The following TCTN1 variants were observed in gnomAD, a reference collection of about 807,000 sequenced individuals.
TCTN1 encodes the protein tectonic-1.
Under a neutral mutation model 65.8 loss-of-function variants are expected in TCTN1, and 58 were observed. The observed-to-expected ratio is 0.88, with a 90% CI of 0.71 to 1.10. The LOEUF (loss-of-function observed/expected upper bound fraction) is 1.10, where lower values mean the gene tolerates loss of function less well. Ranked by LOEUF, TCTN1 falls within the 50% of genes least tolerant of loss-of-function variation. The pLI, the probability that TCTN1 is intolerant of heterozygous loss-of-function variation, is 0.00. For synonymous variants in TCTN1, 273 were observed against 289.1 expected, an observed-to-expected ratio of 0.94 and a Z score of 0.57; for missense variants, 645 against 719.4, an observed-to-expected ratio of 0.90 and a Z score of 1.18.
intron 3 of TCTN1, among the ~76,000 whole-genome samples, chr12:110,628,556 G>C (rs1206083774): frequency 6.6e-6 from 1 of 151,966 alleles, no homozygotes; most frequent in Non-Finnish European, 1.5e-5. Flanking sequence ...GGCCAGGCTG[G>C]TCTCAAACTC....
chr12:110,622,165 G>A (rs1019527454), intron 2 of TCTN1, among the ~76,000 whole-genome samples: 4 of 151,856 alleles, frequency 2.6e-5, no homozygotes, highest in Non-Finnish European at 5.9e-5. Context: ...ATAATGAGTT[G>A]AATGGATGAA....
chr12:110,643,357 A>G (rs1167658185), intron 11 of TCTN1: 1 of 152,214 alleles, frequency 6.6e-6, no homozygotes, highest in African/African-American at 2.4e-5. Flanking sequence ...CTTATCAAAT[A>G]TGTACATAAT....
chr12:110,648,223 G>C (rs1390853894), intron 14 of TCTN1, among the ~76,000 whole-genome samples: 1 of 152,048 alleles, frequency 6.6e-6, no homozygotes, highest in South Asian at 2.1e-4. Flanking sequence ...CTCCTGCCTC[G>C]GCCTCTGAAA....
In TCTN1 at chr12:110,614,229, G is replaced by T. The variant is rs765622324; in HGVS notation, c.47G>T (p.Cys16Phe). 3.8e-6 allele frequency: 6 copies of T among 1,588,776 alleles called. No individual in the cohort carries two copies. Among genetic ancestry groups the T allele is most frequent in the Non-Finnish European group, 8.6e-7 (1 of 1,168,452 alleles). The change falls in exon 1 of 15, where the codon TGC becomes TTC. Residue 16 changes from cysteine to phenylalanine, a missense_variant. Coordinates refer to ENST00000397659, the MANE Select transcript of TCTN1 (RefSeq NM_001082538.3). ...LPPLLVVLLG[C>F]WASVSAQTDA... is the part of the protein sequence containing the mutation. ...CCGCTCCTGGTGGTGCTCCTGGGCT[G>T]CTGGGCCTCCGTGAGCGCCCAGACC... is the stretch of plus-strand genomic sequence containing the variant.
At chr12:110,641,208 T>C (rs1297199229) in intron 9 of TCTN1, 59 bp downstream of exon 9, 3 of 1,609,250 alleles carry the variant, frequency 1.9e-6, no homozygotes, top group Non-Finnish European at 2.5e-6. Context: ...AAATAATGAC[T>C]TCTCAGTGGA....
intron 3 of TCTN1, among the ~76,000 whole-genome samples, chr12:110,627,159 A>G (rs1376046732): frequency 1.4e-5 from 2 of 141,914 alleles, no homozygotes; most frequent in African/African-American, 5.3e-5. Flanking sequence ...AAGCAGTGGC[A>G]CGTTCTCAGC....
intron 2 of TCTN1, among the ~76,000 whole-genome samples, chr12:110,620,757 G>A (rs1302606796): frequency 6.6e-6 from 1 of 151,178 alleles, no homozygotes; most frequent in African/African-American, 2.4e-5. Flanking sequence ...TGATTATAAG[G>A]TAAATAAATA....
Position 110,640,499 on chromosome 12 carries a change from CGTG to C in TCTN1, c.961_963del (p.Val321del). On this transcript the variant is annotated inframe_deletion, in exon 8 of 15. Coordinates refer to ENST00000397659, the MANE Select transcript of TCTN1 (RefSeq NM_001082538.3). This position sits in a 1 kb window ranked among gnomAD's most constrained non-coding sequence, Gnocchi z 4.9. ...TCAACGCTGGACACTTTAGCCTTTG[CGTG>C]AATGTTGTTCTTGAGGTAGGTGCCG... 6.2e-7 allele frequency: 1 copy of C among 1,614,204 alleles called. No individual in the cohort carries two copies. The highest frequency in any genetic ancestry group is 8.5e-7 in the Non-Finnish European group (1 of 1,180,040).
Position 110,641,632 on chromosome 12 carries a change from C to G in TCTN1, c.1190+5C>G. 2 of 1,613,648 alleles carry G rather than the reference C, an allele frequency of 1.2e-6. No homozygotes were observed. Among genetic ancestry groups the G allele is most frequent in the Non-Finnish European group, 1.7e-6 (2 of 1,179,566 alleles). On this transcript the variant is annotated splice_donor_5th_base_variant and intron_variant, in intron 10 of 14. Coordinates refer to ENST00000397659, the MANE Select transcript of TCTN1 (RefSeq NM_001082538.3). ...TGGATTCCAGCCTCATAAGGGATATCCTTTTTGGTTCTGTAGAGGGTGGAT... is the reference window on the plus strand; with the variant it reads ...TGGATTCCAGCCTCATAAGGGATATGCTTTTTGGTTCTGTAGAGGGTGGAT...
rs2067647502 is a variant in TCTN1 at position 110,649,024 on chromosome 12, TTC to T, written c.*2-17_*2-16del. ...AGAATGGGGTGGCAGCTAAAGTAGC[TTC>T]TTTTTCTTTCTTTCAGAATGCTCAG... On this transcript the variant is annotated splice_polypyrimidine_tract_variant and intron_variant, in intron 14 of 14. Transcript: ENST00000397659. 2.1e-6 allele frequency: 1 copy of T among 482,926 alleles called. No homozygotes were observed. The highest frequency in any genetic ancestry group is 4.0e-6 in the Non-Finnish European group (1 of 248,434). 29.9% of individuals were successfully genotyped at this position (482,926 alleles called of 1,614,324 possible). A position where few individuals can be genotyped will look rare whatever the true frequency, so the allele number is the denominator to read the frequency against.
intron 11 of TCTN1, 43 bp downstream of exon 11, chr12:110,642,432 AAAAC>A: frequency 6.2e-7 from 1 of 1,614,128 alleles, no homozygotes; most frequent in Non-Finnish European, 8.5e-7. Flanking sequence ...TGCTGATCAG[AAAAC>A]AAAGCATTCT....
In TCTN1 at chr12:110,632,536, T is replaced by C. The variant is rs1225241777; in HGVS notation, c.689T>C (p.Leu230Pro). Residue 230 changes from leucine to proline, a missense_variant, in exon 5 of 15, where the codon CTG becomes CCG. Physicochemically the swap from Leu to Pro is moderately conservative, Grantham distance 98. Transcript: ENST00000397659. ...TTTCCTTCGTCCCTGACATCATCTC[T>C]GTGCACTGATAATAACCCTGCAGGT... Reference protein sequence around the residue: ...LRFPSSLTSSLCTDNNPAAFL... With the variant: ...LRFPSSLTSSPCTDNNPAAFL... The C allele has an allele frequency of 3.1e-6, 5 of 1,613,992 alleles. No individual in the cohort carries two copies. Among genetic ancestry groups the C allele is most frequent in the Non-Finnish European group, 3.4e-6 (4 of 1,179,960 alleles).
At chr12:110,626,238 A>G (rs2065834115) in intron 2 of TCTN1, 124 bp from the exon 3 acceptor site, 4 of 1,165,156 alleles carry the variant, frequency 3.4e-6, no homozygotes, top group Admixed American at 2.2e-5. Context: ...TCATGCTTTC[A>G]TAAATATCCT....
intron 2 of TCTN1, 61 bp downstream of exon 2, chr12:110,620,017 A>C: frequency 6.2e-7 from 1 of 1,612,778 alleles, no homozygotes; most frequent in Non-Finnish European, 8.5e-7. Flanking sequence ...TACAATTTGG[A>C]GAAAGGGAAA....
rs555706296 is a variant in TCTN1 at position 110,640,163 on chromosome 12, A to G, written c.844-220A>G. Among the ~76,000 whole-genome samples, 8 of 152,316 alleles carry G rather than the reference A, an allele frequency of 5.3e-5. No homozygotes were observed. The East Asian group carries it at 1.5e-3, about 29-fold the overall frequency. On this transcript the variant is annotated intron_variant, in intron 7 of 14. Coordinates refer to ENST00000397659, the MANE Select transcript of TCTN1 (RefSeq NM_001082538.3). This position sits in a 1 kb window ranked among gnomAD's most constrained non-coding sequence, Gnocchi z 4.9. ...AAACTTTATGTTTTCAGAGGTAACTACTTTTAAAGTTTTGGTTATATCCTC... is the reference window on the plus strand; with the variant it reads ...AAACTTTATGTTTTCAGAGGTAACTGCTTTTAAAGTTTTGGTTATATCCTC...
chr12:110,648,222 C>T (rs941134884), intron 14 of TCTN1, among the ~76,000 whole-genome samples: 2 of 152,138 alleles, frequency 1.3e-5, no homozygotes, highest in Non-Finnish European at 2.9e-5. Context: ...CCTCCTGCCT[C>T]GGCCTCTGAA....
intron 2 of TCTN1, 33 bp from the exon 3 acceptor site, chr12:110,626,329 G>A (rs2065839510): frequency 2.6e-6 from 4 of 1,544,806 alleles, no homozygotes; most frequent in Admixed American, 3.9e-5. Flanking sequence ...CTTATGTCTT[G>A]TAACTTTGTA....
intron 1 of TCTN1, among the ~76,000 whole-genome samples, chr12:110,615,471 A>C (rs749383670): frequency 1.3e-5 from 2 of 152,074 alleles, no homozygotes; most frequent in African/African-American, 2.4e-5. Context: ...CAGTACTTTT[A>C]ATCTTTTTTT....
intron 5 of TCTN1, among the ~76,000 whole-genome samples, chr12:110,633,541 G>GT (rs2066364483): frequency 6.6e-6 from 1 of 152,028 alleles, no homozygotes. Context: ...GGAGGCTGAG[G>GT]TAGGAGGATT....
Sources: allele counts gnomAD v4.1 joint callset (sites outside exome capture counted in the v4.1 genomes callset), GRCh38; gene constraint gnomAD v4.1.1; non-coding constraint Gnocchi (gnomAD v3.1); transcripts MANE v1.5; gene names NCBI Gene and HGNC (gene_info 2026-07-23, HGNC 2026-07-21).